The following CADM1 variants were observed in gnomAD, a reference collection of about 807,000 sequenced individuals.
The protein encoded by CADM1 is TSLC-1.
In CADM1, 15 loss-of-function variants were observed where a neutral mutation model predicts 53.1. That is an observed-to-expected ratio of 0.28 (90% CI 0.19 to 0.44). The LOEUF (loss-of-function observed/expected upper bound fraction) is 0.44. Ranked by LOEUF, CADM1 falls within the 20% of genes least tolerant of loss-of-function variation. The pLI is 1.00. For missense variants in CADM1, 434 were observed against 611.3 expected (o/e 0.71, Z 3.06); for synonymous variants, 281 against 243.0 (o/e 1.16, Z -1.45).
chr11:115,336,529 T>C (rs892652297), intron 1 of CADM1, among the ~76,000 whole-genome samples: 3 of 152,170 alleles, frequency 2.0e-5, no homozygotes, highest in African/African-American at 7.2e-5. Flanking sequence ...AAACACTTGG[T>C]TAATGAGTAC....
intron 1 of CADM1, among the ~76,000 whole-genome samples, chr11:115,288,053 C>G (rs1307781663): frequency 6.6e-6 from 1 of 152,142 alleles, no homozygotes; most frequent in African/African-American, 2.4e-5. Flanking sequence ...AAATGACATT[C>G]TGTGTGAAGA....
chr11:115,431,781 C>T (rs1321248172), intron 1 of CADM1, among the ~76,000 whole-genome samples: 1 of 152,078 alleles, frequency 6.6e-6, no homozygotes, highest in Non-Finnish European at 1.5e-5. Flanking sequence ...CTCCACGAAG[C>T]CCTCCCTGGC....
intron 1 of CADM1, among the ~76,000 whole-genome samples, chr11:115,319,816 G>T (rs1944774122): frequency 6.6e-6 from 1 of 152,108 alleles, no homozygotes; most frequent in South Asian, 2.1e-4. Flanking sequence ...AAAAGGTATT[G>T]CCATTAGATA....
chr11:115,492,932 T>TACACACACAC (rs57800253), intron 1 of CADM1, among the ~76,000 whole-genome samples: 60 of 146,840 alleles, frequency 4.1e-4, no homozygotes, highest in African/African-American at 1.5e-3. Context: ...GGATATTTTA[T>TACACACACAC]ACACACACAC....
At chr11:115,373,819 G>A (rs949996616) in intron 1 of CADM1, among the ~76,000 whole-genome samples, 8 of 152,094 alleles carry the variant, frequency 5.3e-5, no homozygotes, top group Non-Finnish European at 1.0e-4. Context: ...ACTACTGTGC[G>A]TATGATGTAT....
chr11:115,431,751 C>T (rs1002285931), intron 1 of CADM1, among the ~76,000 whole-genome samples: 22 of 152,178 alleles, frequency 1.4e-4, no homozygotes, highest in African/African-American at 5.1e-4. Flanking sequence ...CCCTTCATAT[C>T]TCAGCTCAAT....
chr11:115,282,752 G>A (rs1053396983), intron 1 of CADM1, among the ~76,000 whole-genome samples: 2 of 152,204 alleles, frequency 1.3e-5, no homozygotes, highest in Non-Finnish European at 2.9e-5. Flanking sequence ...AATGGTCAAA[G>A]TAGCTGAGAC....
At chr11:115,298,778 C>T (rs1296743811) in intron 1 of CADM1, among the ~76,000 whole-genome samples, 1 of 152,194 alleles carries the variant, frequency 6.6e-6, no homozygotes, top group Non-Finnish European at 1.5e-5. Flanking sequence ...ATTAGCCACT[C>T]ACTGTCACGT....
intron 1 of CADM1, among the ~76,000 whole-genome samples, chr11:115,438,772 T>C (rs1195635326): frequency 6.6e-6 from 1 of 152,236 alleles, no homozygotes; most frequent in East Asian, 1.9e-4. Flanking sequence ...GATTATATGT[T>C]GTCCCAACTG....
At chr11:115,308,793 T>TCCTCCCTC (rs759249150) in intron 1 of CADM1, among the ~76,000 whole-genome samples, 1 of 144,992 alleles carries the variant, frequency 6.9e-6, no homozygotes, top group Non-Finnish European at 1.5e-5. Flanking sequence ...CCTTCATCCT[T>TCCTCCCTC]CCTCCCTCCC....
chr11:115,468,347 A>G lies in CADM1; in HGVS notation c.124+35924T>C, dbSNP rs73581188. Among the ~76,000 whole-genome samples the G allele has an allele frequency of 3.7e-3, 562 of 152,314 alleles. 3 individuals are homozygous for G. The highest frequency in any genetic ancestry group is 0.013 in the African/African-American group (544 of 41,578). The stretch of plus-strand genomic sequence containing the variant: ...GGTGCACTGGAAAGAAAAAAGCTTG[A>G]AGATAGTAGATTTGAAGCCTTCTCC... On this transcript the variant is annotated intron_variant, in intron 1 of 11. Coordinates refer to ENST00000331581, the MANE Select transcript of CADM1 (RefSeq NM_001301043.2).
At chr11:115,202,553 A>C (rs553069714) in intron 8 of CADM1, among the ~76,000 whole-genome samples, 1 of 152,338 alleles carries the variant, frequency 6.6e-6, no homozygotes, top group South Asian at 2.1e-4. Context: ...GTGATAACCC[A>C]CAATCTACTC....
At chr11:115,238,321 G>T (rs569344248) in intron 3 of CADM1, among the ~76,000 whole-genome samples, 179 bp downstream of exon 3, 1 of 152,334 alleles carries the variant, frequency 6.6e-6, no homozygotes, top group East Asian at 1.9e-4. Flanking sequence ...AAAGACTGCT[G>T]ATTGCCATTC....
In CADM1 at chr11:115,476,416, ATTGT is replaced by A. The variant is rs142381133; in HGVS notation, c.124+27851_124+27854del. ...GAATGATTGGTGATTTGTTTGTTTG[ATTGT>A]TTGTTTGTTTGTTTTTCCTCTGAGG... On this transcript the variant is annotated intron_variant, in intron 1 of 11. Coordinates refer to ENST00000331581, the MANE Select transcript of CADM1 (RefSeq NM_001301043.2). Among the ~76,000 whole-genome samples the A allele has an allele frequency of 2.7e-3, 407 of 152,024 alleles. 2 individuals are homozygous for A. The highest frequency in any genetic ancestry group is 0.014 in the Admixed American group (212 of 15,252).
At chr11:115,243,560 G>A (rs1942313119) in intron 1 of CADM1, among the ~76,000 whole-genome samples, 1 of 152,188 alleles carries the variant, frequency 6.6e-6, no homozygotes, top group Admixed American at 6.5e-5. Context: ...GGCAAAGGAA[G>A]TGAATGACAG....
intron 9 of CADM1, among the ~76,000 whole-genome samples, chr11:115,197,273 T>C (rs571292620): frequency 6.6e-6 from 1 of 152,304 alleles, no homozygotes; most frequent in East Asian, 1.9e-4. Context: ...TGAGTCAGTC[T>C]GTGCCAGGAA....
intron 1 of CADM1, among the ~76,000 whole-genome samples, chr11:115,406,730 T>G (rs1232131057): frequency 1.3e-5 from 2 of 151,372 alleles, no homozygotes; most frequent in African/African-American, 4.8e-5. Context: ...GTGGATCACC[T>G]GAGGTCAGGA....
At chr11:115,198,384 T>A in intron 9 of CADM1, 22 bp downstream of exon 9, 3 of 1,584,314 alleles carry the variant, frequency 1.9e-6, no homozygotes, top group Non-Finnish European at 2.6e-6. Flanking sequence ...AGAAAGTAGA[T>A]AAACAGTAAT....
At chr11:115,223,787 T>C (rs958777282) in intron 5 of CADM1, among the ~76,000 whole-genome samples, 1 of 152,160 alleles carries the variant, frequency 6.6e-6, no homozygotes, top group Non-Finnish European at 1.5e-5. Flanking sequence ...AACACTACTC[T>C]GTGTTAACAC....
Sources: gnomAD v4.1 joint callset for allele counts (sites outside exome capture counted in the v4.1 genomes callset) on GRCh38, gnomAD v4.1.1 for gene constraint, MANE v1.5 for transcripts, NCBI Gene and HGNC (gene_info 2026-07-23, HGNC 2026-07-21) for gene names.